Variants in GPR155 observed in about 807,000 individuals in gnomAD.
GPR155 encodes the protein G protein-coupled receptor 155, also known as lysosomal cholesterol signaling protein.
A neutral mutation model predicts 93.1 loss-of-function variants in GPR155; 65 were observed. That is an observed-to-expected ratio of 0.70 (90% CI 0.57 to 0.86). The LOEUF is 0.86. Ranked by LOEUF, GPR155 falls within the 40% of genes least tolerant of loss-of-function variation. The pLI, the probability that GPR155 is intolerant of heterozygous loss-of-function variation, is 0.00. For missense variants in GPR155, 838 were observed against 1,034.8 expected, an observed-to-expected ratio of 0.81 and a Z score of 2.61; for synonymous variants, 319 against 360.1, an observed-to-expected ratio of 0.89 and a Z score of 1.29.
chr2:174,464,102 T>G (rs1413670182), intron 7 of GPR155, among the ~76,000 whole-genome samples: 2 of 152,218 alleles, frequency 1.3e-5, no homozygotes, highest in Non-Finnish European at 2.9e-5. Context: ...AGAATCCAGC[T>G]AGCCCTGGAT....
At chr2:174,470,304 A>T in intron 4 of GPR155, 86 bp downstream of exon 4, 1 of 1,134,792 alleles carries the variant, frequency 8.8e-7, no homozygotes, top group Non-Finnish European at 1.2e-6. Context: ...TCATTTTTAA[A>T]AAAGAATTTT....
chr2:174,461,413 C>A lies in GPR155; in HGVS notation c.1549G>T (p.Gly517Ter). 1 of 1,609,140 alleles carries A rather than the reference C, an allele frequency of 6.2e-7. No individual in the cohort carries two copies. The highest frequency in any genetic ancestry group is 8.5e-7 in the Non-Finnish European group (1 of 1,175,570). The change falls in exon 9 of 16, where the codon GGA becomes TGA. Residue 517 changes from glycine (G) to a stop codon, truncating the protein, a stop_gained. Coordinates refer to ENST00000392552, the MANE Select transcript of GPR155 (RefSeq NM_152529.7). LOFTEE classifies it high-confidence loss of function. ...GDSIDSAFFY[G>*]KEQMITTAVT... is the part of the protein sequence containing the mutation. Reference sequence around the variant, plus strand: ...TAAACTCTTCCCACCTGTTCTTTTCCATAAAAGAAGGCTGAGTCAATGCTA... The same window carrying A: ...TAAACTCTTCCCACCTGTTCTTTTCAATAAAAGAAGGCTGAGTCAATGCTA...
intron 7 of GPR155, among the ~76,000 whole-genome samples, chr2:174,464,689 T>C (rs1687790863): frequency 6.6e-6 from 1 of 151,820 alleles, no homozygotes; most frequent in Admixed American, 6.6e-5. Flanking sequence ...GCCTAGTTAT[T>C]AGACATCAAG....
intron 14 of GPR155, among the ~76,000 whole-genome samples, 157 bp downstream of exon 14, chr2:174,441,962 G>C (rs1364175658): frequency 6.6e-6 from 1 of 151,336 alleles, no homozygotes; most frequent in Non-Finnish European, 1.5e-5. Flanking sequence ...TGCCCAGGCT[G>C]GTCTTGAACT....
At chr2:174,460,261 C>T (rs1410941898) in intron 9 of GPR155, among the ~76,000 whole-genome samples, 173 bp from the exon 10 acceptor site, 4 of 146,758 alleles carry the variant, frequency 2.7e-5, no homozygotes, top group South Asian at 2.2e-4. Flanking sequence ...CCCAGGTTCA[C>T]GCCATTCTCC....
At position 174,470,477 on chromosome 2, in the gene GPR155, T is replaced by TA; in HGVS notation, c.938dup (p.Leu313PhefsTer61). 6.2e-7 allele frequency: 1 copy of TA among 1,613,880 alleles called. No homozygotes were observed. Among genetic ancestry groups the TA allele is most frequent in the Non-Finnish European group, 8.5e-7 (1 of 1,179,812 alleles). ...CACCATACAGAAATGCATAATTTGA[T>TA]AAACTTGTATGGTTCACCACACTGT... On this transcript the variant is annotated frameshift_variant, in exon 4 of 16. Coordinates refer to ENST00000392552, the MANE Select transcript of GPR155 (RefSeq NM_152529.7). LOFTEE classifies it high-confidence loss of function.
rs1687956629 is a variant in GPR155, at chr2:174,470,335, A to G, written c.1026+55T>C. On this transcript the variant is annotated intron_variant, in intron 4 of 15. Coordinates refer to ENST00000392552, the MANE Select transcript of GPR155 (RefSeq NM_152529.7). ...ATTTTAAAAAATTTGAAATGAATTT[A>G]AAAATTTTTTTCGACTAAACACACC... is the stretch of plus-strand genomic sequence containing the variant. The G allele has an allele frequency of 5.2e-6, 7 of 1,348,682 alleles. No individual in the cohort carries two copies. The South Asian group carries it at 8.3e-5, about 16-fold the overall frequency. 83.5% of individuals were successfully genotyped at this position (1,348,682 alleles called of 1,614,324 possible).
chr2:174,460,200 G>T, intron 9 of GPR155, 112 bp from the exon 10 acceptor site: 2 of 667,148 alleles, frequency 3.0e-6, no homozygotes, highest in Non-Finnish European at 4.6e-6. Flanking sequence ...TTGCTCTGTC[G>T]CCCAGGCTGG....
chr2:174,480,770 A>AT (rs200739556), intron 2 of GPR155, among the ~76,000 whole-genome samples: 64 of 150,312 alleles, frequency 4.3e-4, no homozygotes, highest in South Asian at 1.1e-3. Context: ...CTCAAAAACA[A>AT]TTTTTTTTTT....
Position 174,473,116 on chromosome 2 carries a change from C to T in GPR155, c.709G>A (p.Val237Ile), listed in dbSNP as rs766287599. ...AGAAAATTTTCGACATATACAGGTA[C>T]CTTTCGATCAAGAATAAAATTGAAG... ...IAFNFILDRK[V>I]PVYVENFLDG... Residue 237 changes from valine to isoleucine, a missense_variant, in exon 3 of 16, where the codon GTA becomes ATA. This residue lies in a region of GPR155 where 663 missense variants were observed against 790.1 expected (regional missense o/e 0.84). Coordinates refer to ENST00000392552, the MANE Select transcript of GPR155 (RefSeq NM_152529.7). 3.7e-6 allele frequency: 6 copies of T among 1,610,666 alleles called. No homozygotes were observed. Among genetic ancestry groups the T allele is most frequent in the African/African-American group, 1.3e-5 (1 of 74,526 alleles).
chr2:174,436,393 C>G lies in GPR155; in HGVS notation c.2336G>C (p.Gly779Ala). Residue 779 changes from glycine (G) to alanine (A), a missense_variant, in exon 16 of 16, where the codon GGA (glycine) becomes GCA (alanine). Gly to Ala is a moderately conservative substitution (Grantham distance 60). This residue lies in a region of GPR155 where 146 missense variants were observed against 177.5 expected (regional missense o/e 0.82). Transcript: ENST00000392552. Reference protein sequence around the residue: ...ERRCGAKTSAGTFCGCDLVSW... With the variant: ...ERRCGAKTSAATFCGCDLVSW... Reference sequence around the variant, plus strand: ...CACCAGGTCACAGCCACAGAAAGTTCCAGCAGAAGTCTTTGCACCACACCT... The same window carrying G: ...CACCAGGTCACAGCCACAGAAAGTTGCAGCAGAAGTCTTTGCACCACACCT... 6.2e-7 allele frequency: 1 copy of G among 1,614,092 alleles called. No individual in the cohort carries two copies. Among genetic ancestry groups the G allele is most frequent in the Non-Finnish European group, 8.5e-7 (1 of 1,179,984 alleles).
intron 2 of GPR155, among the ~76,000 whole-genome samples, chr2:174,479,136 C>G (rs567692557): frequency 6.6e-6 from 1 of 152,246 alleles, no homozygotes; most frequent in South Asian, 2.1e-4. Context: ...TGGGCTGGCA[C>G]ACGGCTAGAA....
At chr2:174,458,947 G>A (rs1384376613) in intron 10 of GPR155, among the ~76,000 whole-genome samples, 1 of 152,050 alleles carries the variant, frequency 6.6e-6, no homozygotes, top group Non-Finnish European at 1.5e-5. Context: ...AATTAGCCAG[G>A]CGTGGTGGCG....
At chr2:174,469,474 G>C (rs1687932491) in intron 4 of GPR155, among the ~76,000 whole-genome samples, 1 of 152,122 alleles carries the variant, frequency 6.6e-6, no homozygotes, top group Non-Finnish European at 1.5e-5. Flanking sequence ...TTAAATAACA[G>C]AATTGACCTC....
At position 174,458,858 on chromosome 2, in the gene GPR155, C is replaced by T. The variant is rs559803265; in HGVS notation, c.1771+1020G>A. 6.6e-5 allele frequency among the ~76,000 whole-genome samples: 10 copies of T among 152,166 alleles called. No homozygotes were observed. In the South Asian group the frequency reaches 1.5e-3, roughly 22 times the overall value. ...ATCCCAGCACATTGGGAGGCCGAGG[C>T]GGGTGGATCACCTGAGGTCAGGAGT... On this transcript the variant is annotated intron_variant, in intron 10 of 15. Transcript: ENST00000392552.
chr2:174,450,718 T>A (rs1489397334), intron 11 of GPR155, among the ~76,000 whole-genome samples: 2 of 152,164 alleles, frequency 1.3e-5, no homozygotes, highest in Admixed American at 1.3e-4. Context: ...TAGTCCAACA[T>A]ATAGTCTTAT....
At chr2:174,443,720 T>C (rs1450760928) in intron 13 of GPR155, among the ~76,000 whole-genome samples, 1 of 151,584 alleles carries the variant, frequency 6.6e-6, no homozygotes, top group Non-Finnish European at 1.5e-5. Flanking sequence ...TGAGACTCCA[T>C]CTCAATTAAA....
chr2:174,461,423 G>C lies in GPR155; in HGVS notation c.1539C>G (p.Ala513=). Residue 513 remains alanine (A), a synonymous_variant, in exon 9 of 16, where the codon GCC becomes GCG. Coordinates refer to ENST00000392552, the MANE Select transcript of GPR155 (RefSeq NM_152529.7). ...GKHNGDSIDS[A]FFYGKEQMIT... ...CCACCTGTTCTTTTCCATAAAAGAA[G>C]GCTGAGTCAATGCTATCTCCATTGT... The C allele has an allele frequency of 1.2e-6, 2 of 1,612,376 alleles. No individual in the cohort carries two copies. The highest frequency in any genetic ancestry group is 1.7e-6 in the Non-Finnish European group (2 of 1,178,548).
At chr2:174,476,752 T>C (rs1235214231) in intron 2 of GPR155, among the ~76,000 whole-genome samples, 1 of 152,166 alleles carries the variant, frequency 6.6e-6, no homozygotes, top group African/African-American at 2.4e-5. Flanking sequence ...ACTACCACAT[T>C]CATAATTAGT....
Sources: allele counts gnomAD v4.1 joint callset (sites outside exome capture counted in the v4.1 genomes callset), GRCh38; gene constraint gnomAD v4.1.1; regional missense constraint gnomAD v4.1.1; transcripts MANE v1.5; gene names NCBI Gene and HGNC (gene_info 2026-07-23, HGNC 2026-07-21).